NALCN: variants seen among roughly 807,000 people sequenced by gnomAD.
The protein encoded by NALCN is sodium leak channel NALCN.
In NALCN, 111 loss-of-function variants were observed where a neutral mutation model predicts 225.3. The ratio of observed to expected loss-of-function variants is 0.49; its 90% CI spans 0.42 to 0.58. The LOEUF (loss-of-function observed/expected upper bound fraction) is 0.58, where lower values mean the gene tolerates loss of function less well. Ranked by LOEUF, NALCN falls within the 20% of genes least tolerant of loss-of-function variation. The pLI is 0.00. For missense variants in NALCN, 1,378 were observed against 2,202.4 expected (o/e 0.63, Z 7.49); for synonymous variants, 764 against 769.0 (o/e 0.99, Z 0.11).
intron 43 of NALCN, chr13:101,057,109 TC>T (rs2031362022): frequency 6.7e-6 from 1 of 150,164 alleles, no homozygotes; most frequent in South Asian, 2.1e-4. Flanking sequence ...ATGCTACACA[TC>T]TTCTCCTTTC....
At position 101,316,018 on chromosome 13, in the gene NALCN, C is replaced by T. The variant is rs112639319; in HGVS notation, c.800-23652G>A. Among the ~76,000 whole-genome samples the T allele has an allele frequency of 1.1e-4, 16 of 152,110 alleles. 1 individual carries two copies. The highest frequency in any genetic ancestry group is 3.1e-4 in the African/African-American group (13 of 41,488). ...TTCTTTCCATGTTATGCAGTGTGTTCGACTTGGAAGAGAAGTCAAGTCACC... is the reference window on the plus strand; with the variant it reads ...TTCTTTCCATGTTATGCAGTGTGTTTGACTTGGAAGAGAAGTCAAGTCACC... On this transcript the variant is annotated intron_variant, in intron 7 of 43. Coordinates refer to ENST00000251127, the MANE Select transcript of NALCN (RefSeq NM_052867.4).
Position 101,104,566 on chromosome 13 carries a change from G to T in NALCN, c.2721C>A (p.Ser907=). ...GTGCATGCATGACTCTTCGAAACGGGGACTCAAACATCATGGAAATGCAAG... is the reference window on the plus strand; with the variant it reads ...GTGCATGCATGACTCTTCGAAACGGTGACTCAAACATCATGGAAATGCAAG... ...ICSCISMMFE[S]PFRRVMHAPT... The change falls in exon 24 of 44, where the codon TCC becomes TCA. Residue 907 remains serine (S), a synonymous_variant. Transcript: ENST00000251127. The surrounding 1 kb of genome is among the most constrained non-coding windows in gnomAD (Gnocchi z 4.2). 1.2e-6 allele frequency: 2 copies of T among 1,613,952 alleles called. No individual in the cohort carries two copies. Among genetic ancestry groups the T allele is most frequent in the Non-Finnish European group, 1.7e-6 (2 of 1,179,914 alleles).
At chr13:101,061,055 G>A (rs2031892213) in intron 41 of NALCN, among the ~76,000 whole-genome samples, 1 of 152,220 alleles carries the variant, frequency 6.6e-6, no homozygotes, top group South Asian at 2.1e-4. Flanking sequence ...TTTAGTGATT[G>A]CTTTGGGTTT....
At chr13:101,069,047 A>T (rs2139444268) in intron 37 of NALCN, among the ~76,000 whole-genome samples, 2 of 152,350 alleles carry the variant, frequency 1.3e-5, no homozygotes, top group South Asian at 4.1e-4. Flanking sequence ...TCCCAAGGTT[A>T]TTGCCATTTT....
chr13:101,392,130 C>G (rs1251488459), intron 3 of NALCN, among the ~76,000 whole-genome samples: 3 of 152,088 alleles, frequency 2.0e-5, no homozygotes, highest in Non-Finnish European at 2.9e-5. Flanking sequence ...TCACCGGGAA[C>G]TGATACCAAA....
chr13:101,224,963 A>G (rs1036314713), intron 13 of NALCN, among the ~76,000 whole-genome samples: 3 of 152,328 alleles, frequency 2.0e-5, no homozygotes, highest in South Asian at 2.1e-4. Context: ...ACTACCAAGT[A>G]TCACCTGAAA....
In NALCN at chr13:101,400,262, A is replaced by G. The variant is rs552579462; in HGVS notation, c.-39-1097T>C. On this transcript the variant is annotated intron_variant, in intron 1 of 43. Transcript: ENST00000251127. ...ACCAAGGCCATCCAAGCAAACTTGA[A>G]ATTTAAAATAAGCTCTGTTTGACTA... is the stretch of plus-strand genomic sequence containing the variant. Among the ~76,000 whole-genome samples the G allele has an allele frequency of 2.6e-5, 4 of 152,316 alleles. No homozygotes were observed. The East Asian group carries it at 7.7e-4, about 29-fold the overall frequency.
intron 18 of NALCN, among the ~76,000 whole-genome samples, chr13:101,123,045 G>A (rs1038510475): frequency 1.3e-5 from 2 of 152,196 alleles, no homozygotes; most frequent in Non-Finnish European, 2.9e-5. Flanking sequence ...TAAACTGAGA[G>A]AGGGGTAAAT....
chr13:101,092,617 G>T (rs1039611105), intron 28 of NALCN, among the ~76,000 whole-genome samples: 7 of 152,142 alleles, frequency 4.6e-5, no homozygotes, highest in African/African-American at 1.7e-4. Flanking sequence ...GCCCTGCATA[G>T]TTGGGGTTAG....
At chr13:101,091,635 T>A (rs140920766) in intron 28 of NALCN, among the ~76,000 whole-genome samples, 4 of 152,334 alleles carry the variant, frequency 2.6e-5, no homozygotes, top group East Asian at 1.9e-4. Context: ...TCCTTTGGGA[T>A]GTTTCCACTA....
chr13:101,148,469 C>A (rs1339323596), intron 15 of NALCN, among the ~76,000 whole-genome samples: 1 of 152,204 alleles, frequency 6.6e-6, no homozygotes, highest in Non-Finnish European at 1.5e-5. Flanking sequence ...TAACTGGTTA[C>A]CTCTGCAAAG....
chr13:101,157,936 A>G (rs550304190), intron 15 of NALCN, among the ~76,000 whole-genome samples: 3 of 152,026 alleles, frequency 2.0e-5, no homozygotes, highest in East Asian at 1.9e-4. Context: ...TATTTTTAGT[A>G]GAGACAGGGT....
chr13:101,057,207 T>C (rs547028597), intron 43 of NALCN: 48 of 152,446 alleles, frequency 3.1e-4, no homozygotes, highest in African/African-American at 1.1e-3. Context: ...AAAAAACATG[T>C]ACAAGGACAC....
chr13:101,216,438 G>A (rs1233944293), intron 13 of NALCN, among the ~76,000 whole-genome samples: 1 of 152,118 alleles, frequency 6.6e-6, no homozygotes, highest in Admixed American at 6.6e-5. Context: ...ATCAGGAAGA[G>A]GCACCCAGGG....
At chr13:101,265,917 T>C (rs1361297023) in intron 10 of NALCN, among the ~76,000 whole-genome samples, 1 of 152,212 alleles carries the variant, frequency 6.6e-6, no homozygotes, top group Non-Finnish European at 1.5e-5. Flanking sequence ...GGATAGAAGG[T>C]ATAAGTACAT....
chr13:101,279,240 T>C (rs1443604846), intron 10 of NALCN, among the ~76,000 whole-genome samples: 1 of 152,228 alleles, frequency 6.6e-6, no homozygotes, highest in East Asian at 1.9e-4. Context: ...AAGTGATGTT[T>C]GAGCTGAGTT....
intron 11 of NALCN, among the ~76,000 whole-genome samples, chr13:101,241,015 A>G (rs1414539422): frequency 6.6e-6 from 1 of 152,208 alleles, no homozygotes; most frequent in Non-Finnish European, 1.5e-5. Context: ...TTTATCATTC[A>G]TTCTGTACAG....
chr13:101,149,826 C>T (rs2037546632), intron 15 of NALCN, among the ~76,000 whole-genome samples: 1 of 152,214 alleles, frequency 6.6e-6, no homozygotes, highest in South Asian at 2.1e-4. Context: ...TTCCCATGCA[C>T]TCTTTGCTGT....
At chr13:101,075,127 A>T (rs2033167534) in intron 35 of NALCN, among the ~76,000 whole-genome samples, 1 of 152,218 alleles carries the variant, frequency 6.6e-6, no homozygotes, top group Non-Finnish European at 1.5e-5. Flanking sequence ...TATATTGGTT[A>T]TGTGTATATA....
Sources: gnomAD v4.1 joint callset for allele counts (sites outside exome capture counted in the v4.1 genomes callset) on GRCh38, gnomAD v4.1.1 for gene constraint, Gnocchi (gnomAD v3.1) non-coding constraint, MANE v1.5 for transcripts, NCBI Gene and HGNC (gene_info 2026-07-23, HGNC 2026-07-21) for gene names.